Variants in NBEA observed in about 807,000 individuals in gnomAD.
NBEA encodes neurobeachin.
Under a neutral mutation model 343.4 loss-of-function variants are expected in NBEA, and 44 were observed. The observed-to-expected ratio is 0.13, with a 90% CI of 0.10 to 0.16. NBEA has a LOEUF of 0.16. Among genes scored for constraint, NBEA ranks in the 10% least tolerant of loss-of-function variants. The pLI is 1.00. For synonymous variants in NBEA, 1,175 were observed against 1,238.7 expected (o/e 0.95, Z 1.08); for missense variants, 2,555 against 3,631.3 (o/e 0.70, Z 7.62).
At chr13:35,668,142 C>A (rs773272320) in intron 57 of NBEA, among the ~76,000 whole-genome samples, 4 of 151,970 alleles carry the variant, frequency 2.6e-5, no homozygotes, top group Admixed American at 6.6e-5. Flanking sequence ...TTAATAAGAT[C>A]TTTTGTATAT....
chr13:35,022,067 A>G (rs1045101260), intron 1 of NBEA, among the ~76,000 whole-genome samples: 1 of 152,106 alleles, frequency 6.6e-6, no homozygotes, highest in Admixed American at 6.5e-5. Context: ...CATTTATGAA[A>G]TAGATTAGGA....
At chr13:35,210,947 T>G in intron 32 of NBEA, 106 bp from the exon 33 acceptor site, 1 of 1,260,396 alleles carries the variant, frequency 7.9e-7, no homozygotes. Context: ...AATTCGGTTT[T>G]GAAAATCTGA....
chr13:35,357,459 C>A (rs1263468716), intron 38 of NBEA, among the ~76,000 whole-genome samples: 1 of 151,908 alleles, frequency 6.6e-6, no homozygotes, highest in African/African-American at 2.4e-5. Flanking sequence ...TACCCTCCAC[C>A]CTGTCATAGG....
intron 1 of NBEA, among the ~76,000 whole-genome samples, chr13:34,997,443 C>T (rs1433347593): frequency 1.3e-5 from 2 of 152,066 alleles, no homozygotes; most frequent in Non-Finnish European, 2.9e-5. Flanking sequence ...TTATTATTTC[C>T]CAAAATGGTA....
chr13:34,991,557 C>T (rs2060749956), intron 1 of NBEA, among the ~76,000 whole-genome samples: 1 of 152,160 alleles, frequency 6.6e-6, no homozygotes, highest in South Asian at 2.1e-4. Context: ...GACCCAGTCA[C>T]CTCCCACCAG....
chr13:35,248,513 C>G lies in NBEA; in HGVS notation c.5776+15894C>G, dbSNP rs1290642285. 3.3e-5 allele frequency among the ~76,000 whole-genome samples: 5 copies of G among 152,150 alleles called. 1 individual carries two copies. The highest frequency in any genetic ancestry group is 3.3e-4 in the Admixed American group (5 of 15,270). ...TTTTAAAACTTCTACTTACATAGCT[C>G]CACAAGTCAAAACAATGTGGCACTG... On this transcript the variant is annotated intron_variant, in intron 34 of 58. Coordinates refer to ENST00000379939, the MANE Select transcript of NBEA (RefSeq NM_001385012.1).
intron 28 of NBEA, among the ~76,000 whole-genome samples, chr13:35,178,787 C>G (rs1239184445): frequency 2.0e-5 from 3 of 151,358 alleles, no homozygotes; most frequent in Admixed American, 1.3e-4. Flanking sequence ...TAAGAACTCA[C>G]TGTAATCTAA....
At chr13:35,327,856 A>G (rs1400334140) in intron 36 of NBEA, among the ~76,000 whole-genome samples, 3 of 151,980 alleles carry the variant, frequency 2.0e-5, no homozygotes, top group Non-Finnish European at 4.4e-5. Context: ...ATATACGATC[A>G]TTGTCATAGA....
chr13:35,644,213 G>T (rs113355720), intron 49 of NBEA, among the ~76,000 whole-genome samples: 1 of 152,170 alleles, frequency 6.6e-6, no homozygotes, highest in Non-Finnish European at 1.5e-5. Flanking sequence ...TAAACGTTCA[G>T]TGTCGAGAAC....
chr13:35,494,592 A>G (rs1206352084), intron 41 of NBEA, among the ~76,000 whole-genome samples: 2 of 152,060 alleles, frequency 1.3e-5, no homozygotes, highest in Non-Finnish European at 2.9e-5. Flanking sequence ...GAATGGCAAA[A>G]GAAGGCAGTA....
At chr13:35,283,467 GTAATATCAAATTA>G (rs1420305333) in intron 34 of NBEA, among the ~76,000 whole-genome samples, 7 of 152,080 alleles carry the variant, frequency 4.6e-5, no homozygotes, top group African/African-American at 1.7e-4. Context: ...AGGGAAATGT[GTAATATCAAATTA>G]CTTTGAAATT....
intron 32 of NBEA, 112 bp from the exon 33 acceptor site, chr13:35,210,941 C>T (rs967860636): frequency 1.6e-5 from 17 of 1,090,092 alleles, no homozygotes; most frequent in African/African-American, 1.3e-4. Flanking sequence ...TTGTCAAATT[C>T]GGTTTTGAAA....
In NBEA at chr13:35,110,913, C is replaced by T; in HGVS notation, c.1937C>T (p.Thr646Ile). Reference protein sequence around the residue: ...RVGTVLQLMHTLKYYYWVINP... With the variant: ...RVGTVLQLMHILKYYYWVINP... ...GGAACAGTATTACAGCTAATGCACACCTTAAAATATTACTACTGGGTTATT... is the reference window on the plus strand; with the variant it reads ...GGAACAGTATTACAGCTAATGCACATCTTAAAATATTACTACTGGGTTATT... The change falls in exon 13 of 59, where the codon ACC (threonine) becomes ATC (isoleucine). Residue 646 changes from threonine (T) to isoleucine (I), a missense_variant. This residue lies in a region of NBEA where 360 missense variants were observed against 519.1 expected (regional missense o/e 0.69). Transcript: ENST00000379939. The T allele has an allele frequency of 6.2e-7, 1 of 1,612,372 alleles. No homozygotes were observed.
At chr13:35,015,543 G>A (rs1035023008) in intron 1 of NBEA, among the ~76,000 whole-genome samples, 1 of 151,564 alleles carries the variant, frequency 6.6e-6, no homozygotes, top group African/African-American at 2.4e-5. Context: ...CTTTTATGTG[G>A]ACTAAAGCAT....
chr13:35,457,818 C>A (rs1165508132), intron 40 of NBEA, among the ~76,000 whole-genome samples: 2 of 151,726 alleles, frequency 1.3e-5, no homozygotes, highest in Non-Finnish European at 3.0e-5. Flanking sequence ...CCGTGTTAGC[C>A]GTATGGTCTC....
chr13:35,606,316 T>C, intron 47 of NBEA, 110 bp from the exon 48 acceptor site: 1 of 535,724 alleles, frequency 1.9e-6, no homozygotes, highest in Non-Finnish European at 2.9e-6. Flanking sequence ...AAAATATTGG[T>C]TTTAAGAAAT....
At chr13:35,138,965 T>C (rs1240077873) in intron 17 of NBEA, among the ~76,000 whole-genome samples, 1 of 152,028 alleles carries the variant, frequency 6.6e-6, no homozygotes, top group Non-Finnish European at 1.5e-5. Context: ...ATAATGATTA[T>C]GTCTGGGTTG....
intron 10 of NBEA, 92 bp from the exon 11 acceptor site, chr13:35,098,195 TTTGAATATGG>T: frequency 1.4e-6 from 1 of 738,712 alleles, no homozygotes; most frequent in African/African-American, 1.8e-5. Flanking sequence ...AGAGATGAGA[TTTGAATATGG>T]TTATCTTTTG....
At chr13:35,179,658 T>C (rs1566417678) in intron 28 of NBEA, 1 of 403,342 alleles carries the variant, frequency 2.5e-6, no homozygotes. Flanking sequence ...CACTGTGTAG[T>C]TGGCATTCAT....
Sources: gnomAD v4.1 joint callset for allele counts (sites outside exome capture counted in the v4.1 genomes callset) on GRCh38, gnomAD v4.1.1 for gene constraint, gnomAD v4.1.1 regional missense constraint, MANE v1.5 for transcripts, NCBI Gene and HGNC (gene_info 2026-07-23, HGNC 2026-07-21) for gene names.